The following RGS6 variants were observed in gnomAD, a reference collection of about 807,000 sequenced individuals.
RGS6 encodes regulator of G protein signaling 6.
A neutral mutation model predicts 78.5 loss-of-function variants in RGS6; 30 were observed. That is an observed-to-expected ratio of 0.38 (90% CI 0.29 to 0.52). The LOEUF is 0.52. RGS6 is among the 20% of genes least tolerant of loss of function. The pLI, the probability that RGS6 is intolerant of heterozygous loss-of-function variation, is 0.85. For synonymous variants in RGS6, 206 were observed against 206.0 expected (o/e 1.00, Z 0.00); for missense variants, 495 against 609.7 (o/e 0.81, Z 1.98).
rs2052099235 is a variant in RGS6, at chr14:72,239,319, CT to C, written c.85-112775del. 2.0e-5 allele frequency among the ~76,000 whole-genome samples: 3 copies of C among 152,236 alleles called. No individual in the cohort carries two copies. The South Asian group carries it at 6.2e-4, about 32-fold the overall frequency. On this transcript the variant is annotated intron_variant, in intron 2 of 17. Coordinates refer to ENST00000553525, the MANE Select transcript of RGS6 (RefSeq NM_001204424.2). ...TCTTCCCTTTTCTGGTGGTGTGCCC[CT>C]GGAAGTCATACTTTGCCATTTTGTC...
chr14:72,203,696 G>A (rs866981098), intron 2 of RGS6, among the ~76,000 whole-genome samples: 94 of 152,340 alleles, frequency 6.2e-4, no homozygotes, highest in Middle Eastern at 6.8e-3. Context: ...CTGAGAGAAA[G>A]ATCCAAGATG....
At chr14:72,425,966 T>G (rs1430350196) in intron 3 of RGS6, among the ~76,000 whole-genome samples, 1 of 152,222 alleles carries the variant, frequency 6.6e-6, no homozygotes, top group Non-Finnish European at 1.5e-5. Flanking sequence ...ATCTAAGCGG[T>G]AAAATTGTTT....
chr14:72,266,751 T>A (rs1331855327), intron 2 of RGS6, among the ~76,000 whole-genome samples: 1 of 152,190 alleles, frequency 6.6e-6, no homozygotes, highest in Non-Finnish European at 1.5e-5. Context: ...GATTTCTTCC[T>A]AGGGGTGTCA....
At position 71,959,270 on chromosome 14, in the gene RGS6, C is replaced by T. The variant is rs369943192; in HGVS notation, c.-20-5502C>T. 3.3e-4 allele frequency among the ~76,000 whole-genome samples: 50 copies of T among 152,252 alleles called. 2 individuals carry two copies. Among genetic ancestry groups the T allele is most frequent in the African/African-American group, 1.1e-3 (46 of 41,540 alleles). ...GAGCTATATAAACAAGCTCGTACTACTGAGCTAGCACACATCTTGTAAATT... is the reference window on the plus strand; with the variant it reads ...GAGCTATATAAACAAGCTCGTACTATTGAGCTAGCACACATCTTGTAAATT... On this transcript the variant is annotated intron_variant, in intron 1 of 17. Coordinates refer to ENST00000553525, the MANE Select transcript of RGS6 (RefSeq NM_001204424.2).
At chr14:71,962,500 T>C (rs990118067) in intron 1 of RGS6, among the ~76,000 whole-genome samples, 3 of 152,240 alleles carry the variant, frequency 2.0e-5, no homozygotes, top group Non-Finnish European at 4.4e-5. Context: ...TCATGCTCTG[T>C]TGTATTCTGT....
chr14:71,928,362 C>T (rs760172044), upstream of RGS6, among the ~76,000 whole-genome samples: 21 of 152,140 alleles, frequency 1.4e-4, no homozygotes, highest in Non-Finnish European at 1.3e-4. Flanking sequence ...CTTTAGCTCT[C>T]AGAAAAAGAC....
intron 10 of RGS6, 30 bp from the exon 11 acceptor site, chr14:72,476,712 A>G: frequency 6.3e-7 from 1 of 1,598,456 alleles, no homozygotes; most frequent in South Asian, 1.1e-5. Context: ...CTGTGGGTGG[A>G]TGATCCTCTG....
At chr14:72,112,588 C>T (rs997143711) in intron 2 of RGS6, among the ~76,000 whole-genome samples, 2 of 152,140 alleles carry the variant, frequency 1.3e-5, no homozygotes, top group African/African-American at 2.4e-5. Context: ...CAATAAGAAT[C>T]GTTTATTTGT....
chr14:72,310,905 A>G (rs984558873), intron 2 of RGS6, among the ~76,000 whole-genome samples: 2 of 152,230 alleles, frequency 1.3e-5, no homozygotes, highest in African/African-American at 2.4e-5. Context: ...TACCAGGATA[A>G]TATTGCAGAA....
intron 12 of RGS6, 124 bp from the exon 13 acceptor site, chr14:72,495,028 C>T (rs568645941): frequency 7.6e-4 from 483 of 636,126 alleles, no homozygotes; most frequent in African/African-American, 5.8e-3. Flanking sequence ...GAAGTGGGAG[C>T]GGAAATAAAT....
chr14:72,170,678 C>G (rs1311475523), intron 2 of RGS6, among the ~76,000 whole-genome samples: 1 of 152,182 alleles, frequency 6.6e-6, no homozygotes, highest in Non-Finnish European at 1.5e-5. Flanking sequence ...TTTTTGTTAT[C>G]ACAAGGAGTA....
chr14:72,504,815 G>A (rs1489609999), intron 13 of RGS6, among the ~76,000 whole-genome samples: 9 of 150,898 alleles, frequency 6.0e-5, no homozygotes, highest in East Asian at 3.9e-4. Flanking sequence ...GTGCAGTGTC[G>A]GGATCTCAGC....
chr14:71,918,174 A>C, the RGS6 span, among the ~76,000 whole-genome samples: 2 of 120,906 alleles, frequency 1.7e-5, no homozygotes, highest in Admixed American at 9.7e-5. Flanking sequence ...ACAGAGCAAG[A>C]CTCCAGTCTC....
chr14:71,886,530 A>G, the RGS6 span, among the ~76,000 whole-genome samples: 1 of 152,204 alleles, frequency 6.6e-6, no homozygotes, highest in Non-Finnish European at 1.5e-5. Context: ...GTATTTGGAT[A>G]CATACACCAG....
chr14:72,601,026 G>A, the RGS6 span, among the ~76,000 whole-genome samples: 1 of 149,420 alleles, frequency 6.7e-6, no homozygotes, highest in Non-Finnish European at 1.5e-5. Context: ...GGAGGAGGGG[G>A]AGGAGGAAGA....
intron 3 of RGS6, among the ~76,000 whole-genome samples, chr14:72,413,803 T>G (rs570775027): frequency 2.4e-4 from 36 of 152,222 alleles, no homozygotes; most frequent in South Asian, 6.2e-4. Context: ...GTCTGTAAAG[T>G]ATTTTATTTC....
At chr14:72,029,176 A>G (rs924910195) in intron 2 of RGS6, among the ~76,000 whole-genome samples, 36 of 152,192 alleles carry the variant, frequency 2.4e-4, no homozygotes, top group African/African-American at 8.7e-4. Context: ...TCGTTCTGTG[A>G]CAGCTACCTG....
At chr14:72,239,845 T>C (rs1273428360) in intron 2 of RGS6, among the ~76,000 whole-genome samples, 3 of 152,224 alleles carry the variant, frequency 2.0e-5, no homozygotes, top group East Asian at 1.9e-4. Context: ...TTTATGCTAA[T>C]TAATGAACTA....
intron 17 of RGS6, chr14:72,552,840 A>C (rs1267815146): frequency 1.3e-5 from 2 of 152,154 alleles, no homozygotes; most frequent in East Asian, 1.9e-4. Flanking sequence ...GAGGTCAATA[A>C]ATGCCTTTTT....
Sources: gnomAD v4.1 joint callset for allele counts (sites outside exome capture counted in the v4.1 genomes callset) on GRCh38, gnomAD v4.1.1 for gene constraint, MANE v1.5 for transcripts, NCBI Gene and HGNC (gene_info 2026-07-23, HGNC 2026-07-21) for gene names.